Variants in RPTOR observed in about 807,000 individuals in gnomAD.
The protein encoded by RPTOR is regulatory associated protein of MTOR complex 1.
A neutral mutation model predicts 169.9 loss-of-function variants in RPTOR; 21 were observed. The observed-to-expected ratio is 0.12, with a 90% confidence interval of 0.09 to 0.18. The LOEUF is 0.18. Ranked by LOEUF, RPTOR falls within the 10% of genes least tolerant of loss-of-function variation. The probability of loss-of-function intolerance (pLI) is 1.00; values close to 1 mark genes in which losing one functional copy is unlikely to be tolerated. For synonymous variants in RPTOR, 732 were observed against 753.2 expected, an observed-to-expected ratio of 0.97 and a Z score of 0.46; for missense variants, 1,133 against 1,855.9, an observed-to-expected ratio of 0.61 and a Z score of 7.16.
chr17:80,867,348 A>G (rs2068004579), intron 13 of RPTOR, among the ~76,000 whole-genome samples: 1 of 143,208 alleles, frequency 7.0e-6, no homozygotes, highest in Non-Finnish European at 1.6e-5. Context: ...AAAATCTGAG[A>G]TCCACTTCTG....
At chr17:80,625,505 C>T (rs911160233) in intron 1 of RPTOR, among the ~76,000 whole-genome samples, 186 bp from the exon 2 acceptor site, 1 of 152,184 alleles carries the variant, frequency 6.6e-6, no homozygotes, top group African/African-American at 2.4e-5. Context: ...TGAAACCCTG[C>T]CTTCAAAGAA....
intron 20 of RPTOR, among the ~76,000 whole-genome samples, chr17:80,907,268 G>A (rs907744347): frequency 6.6e-6 from 1 of 152,272 alleles, no homozygotes; most frequent in Non-Finnish European, 1.5e-5. Flanking sequence ...TCAGCAAATT[G>A]TCTAGCTTCC....
chr17:80,948,222 G>A (rs1356695826), intron 27 of RPTOR, among the ~76,000 whole-genome samples: 7 of 152,210 alleles, frequency 4.6e-5, no homozygotes, highest in Admixed American at 3.3e-4. Context: ...TGAGAGTGTC[G>A]AGTCGGTTGT....
intron 7 of RPTOR, among the ~76,000 whole-genome samples, chr17:80,812,689 C>T (rs2067285337): frequency 6.6e-6 from 1 of 152,218 alleles, no homozygotes; most frequent in African/African-American, 2.4e-5. Context: ...TTTCTCATAG[C>T]CTGGCTGCCT....
chr17:80,705,052 G>T (rs544074052), intron 3 of RPTOR, among the ~76,000 whole-genome samples: 4 of 152,206 alleles, frequency 2.6e-5, no homozygotes, highest in Admixed American at 2.6e-4. Context: ...CCCAGGCCAC[G>T]CATCGACACC....
intron 13 of RPTOR, among the ~76,000 whole-genome samples, chr17:80,870,694 A>G (rs938683683): frequency 1.3e-5 from 2 of 152,238 alleles, no homozygotes; most frequent in African/African-American, 4.8e-5. Context: ...GACCTGAGCA[A>G]ACATTTTACT....
At chr17:80,913,699 C>T (rs1274415361) in intron 21 of RPTOR, among the ~76,000 whole-genome samples, 81 of 152,278 alleles carry the variant, frequency 5.3e-4, no homozygotes, top group South Asian at 3.5e-3. Flanking sequence ...GTGATTCACC[C>T]ACATTTCCCT....
At chr17:80,953,637 C>T (rs1380193565) in intron 28 of RPTOR, among the ~76,000 whole-genome samples, 4 of 152,258 alleles carry the variant, frequency 2.6e-5, no homozygotes, top group East Asian at 1.9e-4. Flanking sequence ...GTGTCCTCCT[C>T]GGTCACCCAG....
chr17:80,936,868 C>G lies in RPTOR; in HGVS notation c.2920-3628C>G, dbSNP rs144972718. Among the ~76,000 whole-genome samples, 41 of 152,330 alleles carry G rather than the reference C, an allele frequency of 2.7e-4. No homozygotes were observed. Among genetic ancestry groups the G allele is most frequent in the African/African-American group, 8.4e-4 (35 of 41,586 alleles). On this transcript the variant is annotated intron_variant, in intron 24 of 33. Coordinates refer to ENST00000306801, the MANE Select transcript of RPTOR (RefSeq NM_020761.3). This position sits in a 1 kb window ranked among gnomAD's most constrained non-coding sequence, Gnocchi z 4.1. ...CGAGCTTCATTCAGAGCTTCTCCCC[C>G]CTCCACAGCTTGGCGATTTGTGGTA...
At chr17:80,760,937 G>GT (rs1161521457) in intron 6 of RPTOR, among the ~76,000 whole-genome samples, 2 of 152,134 alleles carry the variant, frequency 1.3e-5, no homozygotes, top group Non-Finnish European at 2.9e-5. Flanking sequence ...GGTGGCAAGC[G>GT]TATTTATGAA....
chr17:80,610,584 C>T (rs1356250438), intron 1 of RPTOR, among the ~76,000 whole-genome samples: 1 of 152,104 alleles, frequency 6.6e-6, no homozygotes, highest in African/African-American at 2.4e-5. Flanking sequence ...CGTGGCTGTA[C>T]TCCCGGGTGC....
intron 3 of RPTOR, among the ~76,000 whole-genome samples, chr17:80,681,636 G>GTTGAATTTCATTTGATTCTTAAA: frequency 7.4e-6 from 1 of 135,472 alleles, no homozygotes; most frequent in African/African-American, 2.9e-5. Context: ...CCTTCATGAG[G>GTTGAATTTCATTTGATTCTTAAA]TGTACGTCTC....
chr17:80,680,631 A>AAAAC (rs1235151930), intron 3 of RPTOR, among the ~76,000 whole-genome samples: 1 of 152,166 alleles, frequency 6.6e-6, no homozygotes, highest in Non-Finnish European at 1.5e-5. Context: ...TCTGTCTCAA[A>AAAAC]AAACAAACAA....
intron 3 of RPTOR, among the ~76,000 whole-genome samples, chr17:80,666,802 A>G (rs1206898995): frequency 6.6e-6 from 1 of 151,876 alleles, no homozygotes; most frequent in Non-Finnish European, 1.5e-5. Flanking sequence ...GTGGATGGTA[A>G]ACTGAGGCAG....
At chr17:80,837,402 A>G (rs2067576390) in intron 9 of RPTOR, among the ~76,000 whole-genome samples, 1 of 152,150 alleles carries the variant, frequency 6.6e-6, no homozygotes, top group Non-Finnish European at 1.5e-5. Context: ...ATCACAGCGC[A>G]GAGCTCAGCC....
chr17:80,546,292 T>A (rs2084273924), intron 1 of RPTOR, among the ~76,000 whole-genome samples: 1 of 152,258 alleles, frequency 6.6e-6, no homozygotes, highest in African/African-American at 2.4e-5. Flanking sequence ...ACACTGAACT[T>A]CATTCTAGTC....
chr17:80,695,810 A>AG lies in RPTOR; in HGVS notation c.349-12028dup, dbSNP rs2066031469. Among the ~76,000 whole-genome samples the AG allele has an allele frequency of 6.6e-6, 1 of 152,208 alleles. No homozygotes were observed. Among genetic ancestry groups the AG allele is most frequent in the South Asian group, 2.1e-4 (1 of 4,838 alleles). ...CTCAGGATGCAGAGGCACCAAGGCC[A>AG]GGGAGGAGCGTTGGGGGTGGCTGGA... is the stretch of plus-strand genomic sequence containing the variant. On this transcript the variant is annotated intron_variant, in intron 3 of 33. Coordinates refer to ENST00000306801, the MANE Select transcript of RPTOR (RefSeq NM_020761.3). The surrounding 1 kb of genome is among the most constrained non-coding windows in gnomAD (Gnocchi z 4.9).
chr17:80,638,964 C>T (rs759488486), intron 2 of RPTOR, among the ~76,000 whole-genome samples: 1 of 152,184 alleles, frequency 6.6e-6, no homozygotes, highest in Non-Finnish European at 1.5e-5. Context: ...GCAAGGGCCG[C>T]GGGTCCCGGC....
At chr17:80,821,527 T>C (rs978832016) in intron 7 of RPTOR, among the ~76,000 whole-genome samples, 1 of 152,008 alleles carries the variant, frequency 6.6e-6, no homozygotes, top group Non-Finnish European at 1.5e-5. Flanking sequence ...GGCTGAGGAG[T>C]GGTCCTTGGT....
Sources: allele counts gnomAD v4.1 joint callset (sites outside exome capture counted in the v4.1 genomes callset), GRCh38; gene constraint gnomAD v4.1.1; non-coding constraint Gnocchi (gnomAD v3.1); transcripts MANE v1.5; gene names NCBI Gene and HGNC (gene_info 2026-07-23, HGNC 2026-07-21).